Variants in VPS13A observed in about 807,000 individuals in gnomAD.
VPS13A encodes vacuolar protein sorting 13 homolog A, also known as intermembrane lipid transfer protein VPS13A.
In VPS13A, 264 loss-of-function variants were observed where a neutral mutation model predicts 390.9. That is an observed-to-expected ratio of 0.68 (90% CI 0.61 to 0.75). The LOEUF is 0.75. VPS13A is among the 30% of genes least tolerant of loss of function. VPS13A has a pLI of 0.00. For missense variants in VPS13A, 3,409 were observed against 3,733.9 expected (o/e 0.91, Z 2.27); for synonymous variants, 1,231 against 1,227.1 (o/e 1.00, Z -0.07).
At chr9:77,328,421 C>A (rs191317774) in intron 45 of VPS13A, among the ~76,000 whole-genome samples, 1 of 152,224 alleles carries the variant, frequency 6.6e-6, no homozygotes, top group African/African-American at 2.4e-5. Context: ...CTTCAGGTCA[C>A]TAGCTTCATT....
At position 77,275,603 on chromosome 9, in the gene VPS13A, A is replaced by G; in HGVS notation, c.2618A>G (p.Asp873Gly). Residue 873 changes from aspartate to glycine, a missense_variant, in exon 25 of 72, where the codon GAT (aspartate) becomes GGT (glycine). Asp to Gly is a moderately conservative substitution (Grantham distance 94). This residue lies in a region of VPS13A where 2,717 missense variants were observed against 2,917.4 expected (regional missense o/e 0.93). Transcript: ENST00000360280. The stretch of plus-strand genomic sequence containing the variant: ...CGAACCAGAAAGTTACAAAAGCAGG[A>G]TTGTTCAGTAAATATGACTACATTT... ...SIRTRKLQKQ[D>G]CSVNMTTFKI... The G allele has an allele frequency of 6.2e-7, 1 of 1,613,706 alleles. No homozygotes were observed. The highest frequency in any genetic ancestry group is 8.5e-7 in the Non-Finnish European group (1 of 1,179,732).
At chr9:77,206,426 T>C (rs1307060948) in intron 5 of VPS13A, among the ~76,000 whole-genome samples, 1 of 151,974 alleles carries the variant, frequency 6.6e-6, no homozygotes. Context: ...TTCTTAATTT[T>C]CTAGCCTTTG....
At chr9:77,392,967 T>A (rs1833961147) in intron 68 of VPS13A, among the ~76,000 whole-genome samples, 1 of 152,148 alleles carries the variant, frequency 6.6e-6, no homozygotes, top group South Asian at 2.1e-4. Context: ...CCCACATTGA[T>A]TGACTCTTCC....
Position 77,212,959 on chromosome 9 carries a change from T to TC in VPS13A, c.556-8dup, listed in dbSNP as rs755223567. On this transcript the variant is annotated splice_polypyrimidine_tract_variant and intron_variant, in intron 7 of 71. Coordinates refer to ENST00000360280, the MANE Select transcript of VPS13A (RefSeq NM_033305.3). Reference sequence around the variant, plus strand: ...ACCTTTTTACTGCCATTGTTTTTTTTCCTTTTCAGACAACTGATCAATACT... The same window carrying TC: ...ACCTTTTTACTGCCATTGTTTTTTTTCCCTTTTCAGACAACTGATCAATACT... 5 of 1,613,910 alleles carry TC rather than the reference T, an allele frequency of 3.1e-6. No homozygotes were observed. In the East Asian group the frequency reaches 8.9e-5, roughly 29 times the overall value.
chr9:77,381,243 T>C (rs1833417956), intron 67 of VPS13A, among the ~76,000 whole-genome samples: 2 of 152,182 alleles, frequency 1.3e-5, no homozygotes, highest in Admixed American at 1.3e-4. Context: ...GCCTTCTGAG[T>C]GTCTGGGACT....
chr9:77,199,610 A>T (rs1328946755), intron 1 of VPS13A, among the ~76,000 whole-genome samples: 1 of 152,180 alleles, frequency 6.6e-6, no homozygotes, highest in Admixed American at 6.5e-5. Context: ...TTGCAAGTAT[A>T]TTTAAATGTA....
intron 65 of VPS13A, 106 bp from the exon 66 acceptor site, chr9:77,370,784 A>G: frequency 1.3e-6 from 2 of 1,485,308 alleles, no homozygotes; most frequent in Non-Finnish European, 9.3e-7. Context: ...GTTAATTCTT[A>G]TGCTATATAA....
intron 22 of VPS13A, among the ~76,000 whole-genome samples, chr9:77,253,809 A>G (rs113606943): frequency 0.021 from 3,171 of 152,078 alleles, 68 homozygotes; most frequent in Admixed American, 0.064. Context: ...ACAAAATCCA[A>G]TGTCATAAAG....
chr9:77,370,764 T>G, intron 65 of VPS13A, 126 bp from the exon 66 acceptor site: 2 of 1,419,574 alleles, frequency 1.4e-6, no homozygotes, highest in Non-Finnish European at 2.0e-6. Context: ...ATAAAATACT[T>G]AGGAGATCTG....
Position 77,219,967 on chromosome 9 carries a change from A to G in VPS13A, c.768A>G (p.Ile256Met), listed in dbSNP as rs1392635234. ...ATTATTTTTCAGTATTTCGTCCCATATCTGCTAATGCCAAACTTGTGATGA... is the reference window on the plus strand; with the variant it reads ...ATTATTTTTCAGTATTTCGTCCCATGTCTGCTAATGCCAAACTTGTGATGA... ...PEGYDFVFRP[I>M]SANAKLVMNR... is the part of the protein sequence containing the mutation. The change falls in exon 11 of 72, where the codon ATA becomes ATG. Residue 256 changes from isoleucine (I) to methionine (M), a missense_variant. By Grantham distance (10) the Ile-to-Met change is conservative. Transcript: ENST00000360280. 3 of 1,613,408 alleles carry G rather than the reference A, an allele frequency of 1.9e-6. No homozygotes were observed. The highest frequency in any genetic ancestry group is 2.7e-5 in the African/African-American group (2 of 74,864).
chr9:77,357,625 A>G, intron 55 of VPS13A, 67 bp from the exon 56 acceptor site: 1 of 1,543,032 alleles, frequency 6.5e-7, no homozygotes, highest in South Asian at 1.2e-5. Context: ...AGTTTTTGGC[A>G]TTAATTTCTA....
At chr9:77,410,329 C>G (rs1404060161) in intron 71 of VPS13A, among the ~76,000 whole-genome samples, 1 of 152,128 alleles carries the variant, frequency 6.6e-6, no homozygotes, top group Non-Finnish European at 1.5e-5. Context: ...CGGTACCAGC[C>G]ACTGCAAAAA....
At chr9:77,414,772 ACTT>A (rs1392687899) in intron 71 of VPS13A, among the ~76,000 whole-genome samples, 2 of 150,778 alleles carry the variant, frequency 1.3e-5, no homozygotes, top group Non-Finnish European at 3.0e-5. Context: ...AATAATAAAA[ACTT>A]AGAGTAAGAG....
intron 71 of VPS13A, among the ~76,000 whole-genome samples, chr9:77,411,843 C>T (rs1216469302): frequency 1.3e-5 from 2 of 151,418 alleles, no homozygotes; most frequent in Non-Finnish European, 2.9e-5. Context: ...TGATGGACCG[C>T]CAGCAAGTCT....
chr9:77,354,244 C>A (rs1256099969), intron 54 of VPS13A, among the ~76,000 whole-genome samples: 2 of 151,786 alleles, frequency 1.3e-5, no homozygotes, highest in African/African-American at 4.8e-5. Context: ...GAATTAAATT[C>A]TTGAATATAT....
In VPS13A at chr9:77,314,616, A is replaced by G; in HGVS notation, c.4364A>G (p.Asn1455Ser). The change falls in exon 37 of 72, where the codon AAC becomes AGC. Residue 1455 changes from asparagine (N) to serine (S), a missense_variant. Asn to Ser is a conservative substitution (Grantham distance 46, BLOSUM62 1). Coordinates refer to ENST00000360280, the MANE Select transcript of VPS13A (RefSeq NM_033305.3). ...GSTFSSFSLK[N>S]CILDDKRPHV... Reference sequence around the variant, plus strand: ...ACATTTTCTTCCTTCTCATTAAAAAACTGTATTTTAGATGATAAAAGACCT... The same window carrying G: ...ACATTTTCTTCCTTCTCATTAAAAAGCTGTATTTTAGATGATAAAAGACCT... 6.2e-7 allele frequency: 1 copy of G among 1,612,304 alleles called. No individual in the cohort carries two copies. The highest frequency in any genetic ancestry group is 8.5e-7 in the Non-Finnish European group (1 of 1,179,092).
At chr9:77,256,535 C>A (rs1015629243) in intron 22 of VPS13A, among the ~76,000 whole-genome samples, 5 of 152,016 alleles carry the variant, frequency 3.3e-5, no homozygotes, top group African/African-American at 9.7e-5. Flanking sequence ...TCCCCTGTTT[C>A]CTTATTAATC....
chr9:77,390,094 G>C (rs1189846571), intron 68 of VPS13A: 1 of 985,292 alleles, frequency 1.0e-6, no homozygotes, highest in Non-Finnish European at 1.2e-6. Context: ...ATAGCAGTCA[G>C]ATCACCAGAG....
rs1825617856 is a variant in VPS13A at position 77,205,976 on chromosome 9, A to G, written c.284-2A>G. On this transcript the variant is annotated splice_acceptor_variant, in intron 4 of 71. Coordinates refer to ENST00000360280, the MANE Select transcript of VPS13A (RefSeq NM_033305.3). LOFTEE classifies it high-confidence loss of function. ...GATTCTTCCTTTTTAATCTTCCTAT[A>G]GGAATAAAATATGATCCTTTAAAAG... The G allele has an allele frequency of 1.3e-6, 2 of 1,538,912 alleles. No homozygotes were observed. Among genetic ancestry groups the G allele is most frequent in the Non-Finnish European group, 1.8e-6 (2 of 1,131,072 alleles).
Sources: gnomAD v4.1 joint callset for allele counts (sites outside exome capture counted in the v4.1 genomes callset) on GRCh38, gnomAD v4.1.1 for gene constraint, gnomAD v4.1.1 regional missense constraint, MANE v1.5 for transcripts, NCBI Gene and HGNC (gene_info 2026-07-23, HGNC 2026-07-21) for gene names.